Variants in ATP2B2 observed in about 807,000 individuals in gnomAD.
The protein encoded by ATP2B2 is ATPase plasma membrane Ca2+ transporting 2.
ATP2B2 carries 15 observed loss-of-function variants against 120.0 expected under a neutral mutation model. The observed-to-expected ratio is 0.12, with a 90% CI of 0.08 to 0.19. The LOEUF is 0.19. ATP2B2 is among the 10% of genes least tolerant of loss of function. ATP2B2 has a pLI of 1.00. For missense variants in ATP2B2, 1,045 were observed against 1,719.8 expected, an observed-to-expected ratio of 0.61 and a Z score of 6.94; for synonymous variants, 694 against 700.3, an observed-to-expected ratio of 0.99 and a Z score of 0.14.
chr3:10,620,156 C>T (rs1193061659), intron 1 of ATP2B2, among the ~76,000 whole-genome samples: 4 of 152,108 alleles, frequency 2.6e-5, no homozygotes, highest in African/African-American at 4.8e-5. Context: ...ATCTCTGGGC[C>T]AGGTGCCAGC....
chr3:10,444,558 G>T (rs1451032114), intron 2 of ATP2B2, among the ~76,000 whole-genome samples: 1 of 152,238 alleles, frequency 6.6e-6, no homozygotes, highest in East Asian at 1.9e-4. Flanking sequence ...CCGTTTCACA[G>T]CACTCTGCAG....
At chr3:10,696,000 G>A (rs1258603807) in intron 1 of ATP2B2, among the ~76,000 whole-genome samples, 2 of 152,106 alleles carry the variant, frequency 1.3e-5, no homozygotes, top group Non-Finnish European at 2.9e-5. Flanking sequence ...CCAGCCCCCA[G>A]CCACCCACTC....
chr3:10,470,563 G>A (rs767197975), intron 1 of ATP2B2, among the ~76,000 whole-genome samples: 1 of 152,188 alleles, frequency 6.6e-6, no homozygotes, highest in Non-Finnish European at 1.5e-5. Flanking sequence ...GGGCTCAAGA[G>A]GGTTAAATGG....
chr3:10,542,189 T>A (rs2125497337), intron 2 of ATP2B2, among the ~76,000 whole-genome samples: 1 of 152,322 alleles, frequency 6.6e-6, no homozygotes, highest in Non-Finnish European at 1.5e-5. Flanking sequence ...GTCATGTTTT[T>A]CAATCCACTC....
At chr3:10,697,998 G>T (rs2071764455) in intron 1 of ATP2B2, among the ~76,000 whole-genome samples, 1 of 152,226 alleles carries the variant, frequency 6.6e-6, no homozygotes, top group South Asian at 2.1e-4. Flanking sequence ...AGTTGGGGCA[G>T]ATGGTAGGGG....
intron 1 of ATP2B2, among the ~76,000 whole-genome samples, chr3:10,691,525 C>T (rs1257247993): frequency 6.6e-6 from 1 of 152,198 alleles, no homozygotes; most frequent in Non-Finnish European, 1.5e-5. Flanking sequence ...GGGCTTCACT[C>T]AGCAGTCTGC....
chr3:10,411,580 C>A (rs1191097922), intron 2 of ATP2B2, among the ~76,000 whole-genome samples: 2 of 152,186 alleles, frequency 1.3e-5, no homozygotes, highest in Non-Finnish European at 2.9e-5. Flanking sequence ...AGCCTCAGTA[C>A]CCTCTACTGT....
Position 10,328,862 on chromosome 3 carries a change from G to C in ATP2B2, c.3684C>G (p.Thr1228=). The C allele has an allele frequency of 1.2e-6, 2 of 1,613,814 alleles. No individual in the cohort carries two copies. The highest frequency in any genetic ancestry group is 8.5e-7 in the Non-Finnish European group (1 of 1,179,882). The stretch of plus-strand genomic sequence containing the variant: ...GGATGGGGCTCCCTGGACTTGAAGA[G>C]GTAGCTGATTTGCTTGTGTCGGTCG... ...NLTTDTSKSA[T]SSSPGSPIHS... is the part of the protein sequence containing the mutation. The change falls in exon 23 of 23, where the codon ACC becomes ACG. Residue 1228 remains threonine, a synonymous_variant. Coordinates refer to ENST00000360273, the MANE Select transcript of ATP2B2 (RefSeq NM_001001331.4).
At chr3:10,593,273 T>A (rs1226564407) in intron 2 of ATP2B2, among the ~76,000 whole-genome samples, 1 of 152,244 alleles carries the variant, frequency 6.6e-6, no homozygotes, top group Non-Finnish European at 1.5e-5. Context: ...CTACTAAGTC[T>A]GCAGTATTAG....
At chr3:10,671,275 G>A (rs548904889) in intron 1 of ATP2B2, among the ~76,000 whole-genome samples, 47 of 152,294 alleles carry the variant, frequency 3.1e-4, no homozygotes, top group Non-Finnish European at 2.6e-4. Context: ...CCAGGAGTCC[G>A]GAGAACTGGT....
At chr3:10,667,593 G>C (rs2070976786) in intron 1 of ATP2B2, among the ~76,000 whole-genome samples, 1 of 152,212 alleles carries the variant, frequency 6.6e-6, no homozygotes, top group South Asian at 2.1e-4. Context: ...GACTTTCACA[G>C]GGACCATTTC....
chr3:10,657,598 G>A (rs1041050626), intron 1 of ATP2B2, among the ~76,000 whole-genome samples: 4 of 152,236 alleles, frequency 2.6e-5, no homozygotes, highest in African/African-American at 7.2e-5. Context: ...AAAGCGGCCT[G>A]GAAGCTTGAA....
At position 10,358,684 on chromosome 3, in the gene ATP2B2, G is replaced by C; in HGVS notation, c.2136+7C>G. The C allele has an allele frequency of 7.4e-6, 12 of 1,614,050 alleles. No homozygotes were observed. Among genetic ancestry groups the C allele is most frequent in the Non-Finnish European group, 8.5e-6 (10 of 1,179,962 alleles). On this transcript the variant is annotated splice_region_variant and intron_variant, in intron 14 of 22. Coordinates refer to ENST00000360273, the MANE Select transcript of ATP2B2 (RefSeq NM_001001331.4). ...CTTTCCCTGAGCTCGCTGGCCCTGG[G>C]GCCTACCTCTGGCCGCACCGGGTCC... is the stretch of plus-strand genomic sequence containing the variant.
chr3:10,677,122 G>A (rs1185936829), intron 1 of ATP2B2, among the ~76,000 whole-genome samples: 5 of 152,208 alleles, frequency 3.3e-5, no homozygotes, highest in Non-Finnish European at 7.3e-5. Flanking sequence ...GATGTTTATA[G>A]CAGCTCTATT....
At chr3:10,547,637 C>T (rs886920451) in intron 2 of ATP2B2, among the ~76,000 whole-genome samples, 2 of 152,136 alleles carry the variant, frequency 1.3e-5, no homozygotes, top group Non-Finnish European at 2.9e-5. Context: ...GAGAGAGTTG[C>T]CTAAAGCCAC....
chr3:10,600,544 C>T (rs1359144971), intron 2 of ATP2B2, among the ~76,000 whole-genome samples: 1 of 152,222 alleles, frequency 6.6e-6, no homozygotes, highest in Non-Finnish European at 1.5e-5. Flanking sequence ...AAACAAAAGG[C>T]CCTTTCACGG....
chr3:10,551,789 T>C (rs1490062031), intron 2 of ATP2B2, among the ~76,000 whole-genome samples: 1 of 152,194 alleles, frequency 6.6e-6, no homozygotes, highest in Non-Finnish European at 1.5e-5. Flanking sequence ...CATCTGGGAA[T>C]GTCCTGGCCA....
intron 1 of ATP2B2, among the ~76,000 whole-genome samples, chr3:10,466,642 G>T (rs1410651721): frequency 6.6e-6 from 1 of 152,164 alleles, no homozygotes; most frequent in African/African-American, 2.4e-5. Flanking sequence ...TGTCTGCAGG[G>T]TGGCCCCTGA....
At chr3:10,471,407 C>T (rs62238416) in intron 1 of ATP2B2, among the ~76,000 whole-genome samples, 10 of 125,196 alleles carry the variant, frequency 8.0e-5, no homozygotes, top group South Asian at 2.3e-4. Context: ...TGTTTGTGTG[C>T]GTGCACGTGT....
Sources: gnomAD v4.1 joint callset for allele counts (sites outside exome capture counted in the v4.1 genomes callset) on GRCh38, gnomAD v4.1.1 for gene constraint, MANE v1.5 for transcripts, NCBI Gene and HGNC (gene_info 2026-07-23, HGNC 2026-07-21) for gene names.